Variants in PDS5A observed in about 807,000 individuals in gnomAD.
PDS5A encodes PDS5 cohesin associated factor A.
In PDS5A, 42 loss-of-function variants were observed where a neutral mutation model predicts 167.1. The observed-to-expected ratio is 0.25, with a 90% CI of 0.20 to 0.33. The LOEUF (loss-of-function observed/expected upper bound fraction) is 0.33, where lower values mean the gene tolerates loss of function less well. Among genes scored for constraint, PDS5A ranks in the 10% least tolerant of loss-of-function variants. The probability of loss-of-function intolerance (pLI) is 1.00; values close to 1 mark genes in which losing one functional copy is unlikely to be tolerated. For missense variants in PDS5A, 1,033 were observed against 1,605.9 expected (o/e 0.64, Z 6.10); for synonymous variants, 553 against 554.6 (o/e 1.00, Z 0.04).
rs1336949198 is a variant in PDS5A at position 39,977,547 on chromosome 4, G to A, written c.-131C>T. 11 of 160,590 alleles carry A rather than the reference G, an allele frequency of 6.8e-5. No individual in the cohort carries two copies. The highest frequency in any genetic ancestry group is 9.2e-5 in the Non-Finnish European group (7 of 76,004). The allele number at this position is 160,590 out of a possible 1,614,324, so 9.9% of individuals were successfully genotyped here. A position where few individuals can be genotyped will look rare whatever the true frequency, so the allele number is the denominator to read the frequency against. On this transcript the variant is annotated 5_prime_UTR_variant, in exon 1 of 33. Transcript: ENST00000303538. The surrounding 1 kb of genome is among the most constrained non-coding windows in gnomAD (Gnocchi z 4.2). ...CCCCTAGTCGGGCTGCACACAAAGC[G>A]GCTCCGCGGGTCCCGCCGCCGCCGC...
intron 26 of PDS5A, among the ~76,000 whole-genome samples, chr4:39,850,158 G>A (rs1717992948): frequency 1.3e-5 from 2 of 151,800 alleles, no homozygotes; most frequent in Non-Finnish European, 2.9e-5. Context: ...TGTAGTCCCG[G>A]CTACTCGGGA....
intron 2 of PDS5A, chr4:39,974,377 C>A (rs1412488430): frequency 2.0e-5 from 8 of 409,692 alleles, no homozygotes; most frequent in Non-Finnish European, 3.8e-5. Context: ...CATTAGAATT[C>A]AAGGTTTCAA....
intron 13 of PDS5A, 89 bp downstream of exon 13, chr4:39,902,258 C>T (rs1578703714): frequency 1.7e-6 from 1 of 604,076 alleles, no homozygotes; most frequent in Non-Finnish European, 2.9e-6. Flanking sequence ...GAAGCAGCAA[C>T]AATCCAATCA....
At chr4:39,925,986 A>G (rs1725421683) in intron 4 of PDS5A, 53 bp from the exon 5 acceptor site, 3 of 529,510 alleles carry the variant, frequency 5.7e-6, no homozygotes, top group Non-Finnish European at 9.0e-6. Flanking sequence ...GAATAGTTAT[A>G]TAATAAAAAA....
intron 9 of PDS5A, 77 bp downstream of exon 9, chr4:39,913,534 T>C: frequency 2.6e-6 from 2 of 765,870 alleles, no homozygotes; most frequent in South Asian, 1.5e-5. Flanking sequence ...TTTTGATATG[T>C]ATAGTTTTAA....
intron 32 of PDS5A, among the ~76,000 whole-genome samples, chr4:39,835,250 CATTTA>C (rs1302666956): frequency 2.6e-5 from 4 of 151,842 alleles, no homozygotes; most frequent in African/African-American, 9.7e-5. Flanking sequence ...TGGCCATAAA[CATTTA>C]ATTTAACCAC....
intron 2 of PDS5A, among the ~76,000 whole-genome samples, chr4:39,966,633 A>G (rs1729988853): frequency 6.6e-6 from 1 of 152,206 alleles, no homozygotes; most frequent in East Asian, 1.9e-4. Flanking sequence ...ATAATATAGC[A>G]GACCAGGGTA....
chr4:39,841,806 G>C (rs934210861), intron 31 of PDS5A, 142 bp downstream of exon 31: 4 of 572,998 alleles, frequency 7.0e-6, no homozygotes, highest in Non-Finnish European at 6.3e-6. Flanking sequence ...GGTGCGGGAA[G>C]CGGGGAGAAG....
In PDS5A at chr4:39,913,616, A is replaced by T; in HGVS notation, c.987T>A (p.Leu329=). 6.4e-7 allele frequency: 1 copy of T among 1,561,352 alleles called. No individual in the cohort carries two copies. The highest frequency in any genetic ancestry group is 1.7e-4 in the Middle Eastern group (1 of 5,990). Residue 329 remains leucine (L), a synonymous_variant, in exon 9 of 33, where the codon CTT becomes CTA. Coordinates refer to ENST00000303538, the MANE Select transcript of PDS5A (RefSeq NM_001100399.2). ...TQNRPLWQCF[L]GRFNDIHVPV... is the part of the protein sequence containing the mutation. Reference sequence around the variant, plus strand: ...AGAATTATATGTTCTCTTACCGTCCAAGAAAACATTGCCAAAGAGGACGAT... The same window carrying T: ...AGAATTATATGTTCTCTTACCGTCCTAGAAAACATTGCCAAAGAGGACGAT...
At chr4:39,845,975 C>T (rs1023726333) in intron 28 of PDS5A, 95 bp from the exon 29 acceptor site, 3 of 1,020,932 alleles carry the variant, frequency 2.9e-6, no homozygotes, top group East Asian at 3.5e-5. Flanking sequence ...GGTATTGTGC[C>T]TTGCAATAAT....
At position 39,932,293 on chromosome 4, in the gene PDS5A, T is replaced by C. The variant is rs569095954; in HGVS notation, c.139-4129A>G. ...AGATTGCAATGCCCCTATGGGAATG[T>C]ACCCACCATGCTATTAGGAATCCCA... On this transcript the variant is annotated intron_variant, in intron 2 of 32. Coordinates refer to ENST00000303538, the MANE Select transcript of PDS5A (RefSeq NM_001100399.2). 1.9e-4 allele frequency among the ~76,000 whole-genome samples: 29 copies of C among 152,326 alleles called. No homozygotes were observed. The South Asian group carries it at 5.2e-3, about 27-fold the overall frequency.
chr4:39,934,574 T>C (rs1490814268), intron 2 of PDS5A, among the ~76,000 whole-genome samples: 1 of 151,828 alleles, frequency 6.6e-6, no homozygotes, highest in Non-Finnish European at 1.5e-5. Flanking sequence ...TAATACCCTC[T>C]GGCTATTTAT....
At chr4:39,897,418 T>G (rs1056141205) in intron 16 of PDS5A, among the ~76,000 whole-genome samples, 1 of 152,232 alleles carries the variant, frequency 6.6e-6, no homozygotes, top group South Asian at 2.1e-4. Flanking sequence ...TTCCTTTTCT[T>G]GAGACAGTCT....
intron 2 of PDS5A, among the ~76,000 whole-genome samples, chr4:39,966,086 C>T (rs977183860): frequency 1.3e-5 from 2 of 152,182 alleles, no homozygotes; most frequent in Non-Finnish European, 2.9e-5. Flanking sequence ...CAAATGTACA[C>T]TGGCTATTAT....
Position 39,844,697 on chromosome 4 carries a change from A to G in PDS5A, c.3507T>C (p.Asn1169=), listed in dbSNP as rs1036684104. Residue 1169 remains asparagine (N), a synonymous_variant, in exon 30 of 33, where the codon AAT becomes AAC. Transcript: ENST00000303538. ...STGTETGSNI[N]VNSELNPSTG... is the part of the protein sequence containing the mutation. ...TTGAAGGGTTCAGCTCTGAATTTAC[A>G]TTAATATTGCTTCCAGTCTCAGTGC... is the stretch of plus-strand genomic sequence containing the variant. The G allele has an allele frequency of 1.2e-5, 20 of 1,613,152 alleles. No homozygotes were observed. The highest frequency in any genetic ancestry group is 1.6e-5 in the Non-Finnish European group (19 of 1,179,654).
intron 26 of PDS5A, among the ~76,000 whole-genome samples, chr4:39,850,751 C>T (rs1028266555): frequency 6.6e-6 from 1 of 152,194 alleles, no homozygotes; most frequent in Non-Finnish European, 1.5e-5. Flanking sequence ...ATTCATTTAA[C>T]ACATTGTGTC....
At chr4:39,882,526 C>A (rs1452585681) in intron 17 of PDS5A, among the ~76,000 whole-genome samples, 1 of 152,072 alleles carries the variant, frequency 6.6e-6, no homozygotes, top group Non-Finnish European at 1.5e-5. Flanking sequence ...TTGAATTTAA[C>A]AAAATTACAA....
intron 2 of PDS5A, among the ~76,000 whole-genome samples, chr4:39,943,024 T>G (rs1047237778): frequency 9.2e-5 from 14 of 152,008 alleles, no homozygotes; most frequent in African/African-American, 3.4e-4. Context: ...AGGAATGAAA[T>G]GCATTAGTAT....
chr4:39,835,161 A>G (rs1716276766), intron 32 of PDS5A, among the ~76,000 whole-genome samples: 1 of 151,962 alleles, frequency 6.6e-6, no homozygotes, highest in South Asian at 2.1e-4. Context: ...GCTGATCTTG[A>G]ACTCCTGACC....
Sources: allele counts gnomAD v4.1 joint callset (sites outside exome capture counted in the v4.1 genomes callset), GRCh38; gene constraint gnomAD v4.1.1; non-coding constraint Gnocchi (gnomAD v3.1); transcripts MANE v1.5; gene names NCBI Gene and HGNC (gene_info 2026-07-23, HGNC 2026-07-21).